XYLB: variants seen among roughly 807,000 people sequenced by gnomAD.
The protein encoded by XYLB is xylulokinase, also known as xylulose kinase.
XYLB carries 62 observed loss-of-function variants against 78.7 expected under a neutral mutation model. The observed-to-expected ratio is 0.79, with a 90% CI of 0.64 to 0.97. The LOEUF (loss-of-function observed/expected upper bound fraction) is 0.97, where lower values mean the gene tolerates loss of function less well. Ranked by LOEUF, XYLB falls within the 50% of genes least tolerant of loss-of-function variation. The pLI, the probability that XYLB is intolerant of heterozygous loss-of-function variation, is 0.00. For missense variants in XYLB, 687 were observed against 676.8 expected, an observed-to-expected ratio of 1.02 and a Z score of -0.17; for synonymous variants, 245 against 247.4, an observed-to-expected ratio of 0.99 and a Z score of 0.09.
At chr3:38,451,620 TCAAAAA>T in the XYLB span, 600 of 152,466 alleles carry the variant, frequency 3.9e-3, no homozygotes, top group Non-Finnish European at 4.7e-3. Context: ...AAACTCTGTC[TCAAAAA>T]CAAAAACAAA....
chr3:38,429,852 C>T, the XYLB span, among the ~76,000 whole-genome samples: 1 of 152,100 alleles, frequency 6.6e-6, no homozygotes, highest in Non-Finnish European at 1.5e-5. Flanking sequence ...TGATGGTTTC[C>T]AGCTTCATCC....
At chr3:38,368,980 G>A (rs532316493) in intron 8 of XYLB, among the ~76,000 whole-genome samples, 1 of 152,204 alleles carries the variant, frequency 6.6e-6, no homozygotes, top group Non-Finnish European at 1.5e-5. Flanking sequence ...GTTGATGCCA[G>A]TGAGGAGGGA....
chr3:38,445,133 G>A, the XYLB span, among the ~76,000 whole-genome samples: 1 of 152,150 alleles, frequency 6.6e-6, no homozygotes, highest in Non-Finnish European at 1.5e-5. Flanking sequence ...CCCAAAAATG[G>A]AGTGGAGGGC....
At chr3:38,379,420 G>A (rs1400407669) in intron 15 of XYLB, 78 bp downstream of exon 15, 1 of 1,419,062 alleles carries the variant, frequency 7.0e-7, no homozygotes, top group Non-Finnish European at 9.9e-7. Context: ...GGGCTAGTGG[G>A]GCAATATCTA....
Position 38,413,084 on chromosome 3 carries a change from G to C in XYLB, c.*71G>C. On this transcript the variant is annotated 3_prime_UTR_variant, in exon 19 of 19. Transcript: ENST00000207870. ...TTTGTCGACATGGCCCCAGACAGGA[G>C]GGATCCACTTCTCTGTTCTGAACAG... 1 of 1,444,036 alleles carries C rather than the reference G, an allele frequency of 6.9e-7. No homozygotes were observed. The highest frequency in any genetic ancestry group is 9.4e-7 in the Non-Finnish European group (1 of 1,066,058). 89.5% of individuals were successfully genotyped at this position (1,444,036 alleles called of 1,614,324 possible). A position where few individuals can be genotyped will look rare whatever the true frequency, so the allele number is the denominator to read the frequency against.
chr3:38,421,502 C>T (rs764535106), downstream of XYLB, among the ~76,000 whole-genome samples: 1 of 152,162 alleles, frequency 6.6e-6, no homozygotes, highest in Non-Finnish European at 1.5e-5. Context: ...ACTTACGCAG[C>T]TTTTTAGTGC....
intron 2 of XYLB, among the ~76,000 whole-genome samples, chr3:38,351,286 C>T (rs1302980903): frequency 3.3e-5 from 5 of 149,260 alleles, no homozygotes; most frequent in Non-Finnish European, 7.4e-5. Context: ...GGTCTGAGAA[C>T]ATACCCTATA....
At chr3:38,415,107 A>G (rs1164652447), downstream of XYLB, 2 of 152,212 alleles carry the variant, frequency 1.3e-5, no homozygotes, top group Non-Finnish European at 2.9e-5. Flanking sequence ...AGAACTATGT[A>G]AGCCTCTAGG....
the XYLB span, among the ~76,000 whole-genome samples, chr3:38,441,946 C>A: frequency 6.6e-6 from 1 of 152,132 alleles, no homozygotes; most frequent in Non-Finnish European, 1.5e-5. Flanking sequence ...TGTACTAGGG[C>A]CTGCTTTAAG....
chr3:38,365,142 A>G, intron 4 of XYLB, 57 bp from the exon 5 acceptor site: 1 of 1,541,636 alleles, frequency 6.5e-7, no homozygotes, highest in Non-Finnish European at 9.0e-7. Context: ...CTGTGTCTTC[A>G]GGAGGCTGTG....
the XYLB span, chr3:38,451,540 G>A: frequency 4.6e-5 from 7 of 152,252 alleles, no homozygotes; most frequent in East Asian, 1.9e-4. Context: ...AGAATCACTT[G>A]AACTCAGGAG....
downstream of XYLB, among the ~76,000 whole-genome samples, chr3:38,417,899 T>C (rs1575555351): frequency 7.6e-6 from 1 of 131,296 alleles, no homozygotes; most frequent in African/African-American, 3.3e-5. Context: ...AAAAAAAAAG[T>C]ATATATATCA....
intron 4 of XYLB, 88 bp from the exon 5 acceptor site, chr3:38,365,111 G>T: frequency 2.5e-6 from 3 of 1,198,302 alleles, no homozygotes; most frequent in South Asian, 2.6e-5. Flanking sequence ...CCAGTTCTTT[G>T]GCATGTGGTC....
the XYLB span, among the ~76,000 whole-genome samples, chr3:38,432,459 C>T: frequency 6.9e-3 from 1,053 of 152,090 alleles, 44 homozygotes; most frequent in East Asian, 0.13. Flanking sequence ...CCCAGCTACT[C>T]GGGAGGCTGA....
intron 15 of XYLB, among the ~76,000 whole-genome samples, chr3:38,390,134 G>C (rs1271494273): frequency 6.6e-6 from 1 of 152,022 alleles, no homozygotes; most frequent in Non-Finnish European, 1.5e-5. Context: ...GTTCTTTCTT[G>C]ACCATCATCA....
chr3:38,399,699 C>T (rs2125653835), intron 17 of XYLB, among the ~76,000 whole-genome samples: 1 of 152,292 alleles, frequency 6.6e-6, no homozygotes. Context: ...CACTGCCATC[C>T]TGCACTGTGT....
At chr3:38,440,155 G>T in the XYLB span, among the ~76,000 whole-genome samples, 129 of 152,292 alleles carry the variant, frequency 8.5e-4, no homozygotes, top group Middle Eastern at 3.4e-3. Context: ...CTTCAGCTTT[G>T]AGGGGCACTA....
intron 15 of XYLB, 58 bp downstream of exon 15, chr3:38,379,400 G>A (rs773310234): frequency 1.2e-4 from 186 of 1,554,120 alleles, no homozygotes; most frequent in Non-Finnish European, 1.5e-4. Context: ...CAGCTCACTC[G>A]CAGGGGCCAG....
At chr3:38,401,025 T>C (rs766643292) in intron 18 of XYLB, 40 bp downstream of exon 18, 47 of 1,587,126 alleles carry the variant, frequency 3.0e-5, no homozygotes, top group Non-Finnish European at 3.9e-5. Context: ...ATTTGCATTA[T>C]GAAAGCCCGC....
Sources: allele counts gnomAD v4.1 joint callset (sites outside exome capture counted in the v4.1 genomes callset), GRCh38; gene constraint gnomAD v4.1.1; transcripts MANE v1.5; gene names NCBI Gene and HGNC (gene_info 2026-07-23, HGNC 2026-07-21).